The following NETO2 variants were observed in gnomAD, a reference collection of about 807,000 sequenced individuals.
NETO2 encodes neuropilin and tolloid like 2.
In NETO2, 28 loss-of-function variants were observed where a neutral mutation model predicts 62.5. The ratio of observed to expected loss-of-function variants is 0.45; its 90% CI spans 0.33 to 0.61. The LOEUF (loss-of-function observed/expected upper bound fraction) is 0.61, where lower values mean the gene tolerates loss of function less well. Ranked by LOEUF, NETO2 falls within the 20% of genes least tolerant of loss-of-function variation. NETO2 has a pLI of 0.02. For missense variants in NETO2, 548 were observed against 643.2 expected (o/e 0.85, Z 1.60); for synonymous variants, 214 against 219.1 (o/e 0.98, Z 0.21).
chr16:47,100,175 T>C lies in NETO2; in HGVS notation c.883+9308A>G, dbSNP rs368272831. On this transcript the variant is annotated intron_variant, in intron 7 of 8. Transcript: ENST00000562435. Reference sequence around the variant, plus strand: ...AGAAACTCACTCAAAACCACACAACTACATGGAAACTGAACAACCTGCTCC... The same window carrying C: ...AGAAACTCACTCAAAACCACACAACCACATGGAAACTGAACAACCTGCTCC... Among the ~76,000 whole-genome samples the C allele has an allele frequency of 9.9e-5, 15 of 152,236 alleles. No homozygotes were observed. The East Asian group carries it at 1.2e-3, about 12-fold the overall frequency.
chr16:47,118,103 T>TA (rs1963957901), intron 6 of NETO2, among the ~76,000 whole-genome samples: 1 of 152,192 alleles, frequency 6.6e-6, no homozygotes, highest in African/African-American at 2.4e-5. Context: ...TGGATCCTGT[T>TA]AAAAAATCCC....
chr16:47,129,506 T>G (rs1253234370), intron 2 of NETO2, 142 bp from the exon 3 acceptor site: 1 of 821,148 alleles, frequency 1.2e-6, no homozygotes, highest in African/African-American at 1.7e-5. Context: ...TTTAGCACAA[T>G]AAATTGAGTA....
intron 7 of NETO2, among the ~76,000 whole-genome samples, chr16:47,089,048 T>C (rs1019904676): frequency 3.7e-4 from 56 of 152,376 alleles, no homozygotes; most frequent in East Asian, 5.8e-4. Context: ...TAAAAATCTA[T>C]AGTCATTATG....
intron 7 of NETO2, 81 bp from the exon 8 acceptor site, chr16:47,086,420 A>T: frequency 1.1e-6 from 1 of 897,084 alleles, no homozygotes; most frequent in East Asian, 2.5e-5. Flanking sequence ...TGACTTTATA[A>T]GAGTACTTTC....
Position 47,122,655 on chromosome 16 carries a change from A to C in NETO2, c.654+2T>G. The stretch of plus-strand genomic sequence containing the variant: ...CTGAAGCGACTCAATACATAATAAT[A>C]CCTTAGCTTTTGGAGTGGCTTTAAT... On this transcript the variant is annotated splice_donor_variant, in intron 6 of 8. Transcript: ENST00000562435. LOFTEE classifies it high-confidence loss of function. 6.2e-7 allele frequency: 1 copy of C among 1,613,668 alleles called. No homozygotes were observed. The highest frequency in any genetic ancestry group is 8.5e-7 in the Non-Finnish European group (1 of 1,179,914).
At chr16:47,127,888 T>G (rs1964188740) in intron 4 of NETO2, among the ~76,000 whole-genome samples, 1 of 152,236 alleles carries the variant, frequency 6.6e-6, no homozygotes, top group Non-Finnish European at 1.5e-5. Flanking sequence ...CAGAGCAGTA[T>G]TCTTTCTATT....
chr16:47,112,418 G>A (rs1596724489), intron 6 of NETO2, among the ~76,000 whole-genome samples: 1 of 152,090 alleles, frequency 6.6e-6, no homozygotes, highest in African/African-American at 2.4e-5. Flanking sequence ...GAGTTCAGTC[G>A]CGTGATCGCG....
rs778780982 is a variant in NETO2, at chr16:47,109,688, A to G, written c.678T>C (p.Tyr226=). The G allele has an allele frequency of 6.2e-7, 1 of 1,612,578 alleles. No individual in the cohort carries two copies. ...KAKIYLRFLD[Y]QMEHSNECKR... ...TGCATTCATTTGAGTGCTCCATTTG[A>G]TAATCTAGGAACCTCAAATAAATCT... The change falls in exon 7 of 9, where the codon TAT becomes TAC. Residue 226 remains tyrosine, a synonymous_variant. Transcript: ENST00000562435.
chr16:47,086,984 A>G (rs1055347957), intron 7 of NETO2, among the ~76,000 whole-genome samples: 5 of 152,184 alleles, frequency 3.3e-5, no homozygotes, highest in Non-Finnish European at 4.4e-5. Flanking sequence ...GATACATACA[A>G]CATGGACAAA....
intron 6 of NETO2, among the ~76,000 whole-genome samples, chr16:47,114,085 C>A (rs940088076): frequency 6.6e-6 from 1 of 152,092 alleles, no homozygotes; most frequent in Non-Finnish European, 1.5e-5. Flanking sequence ...TTTCCCAGAG[C>A]GGCTCTATCA....
At chr16:47,138,443 TTCAAAATAAAAGTTTAAACAAC>T (rs1341391402) in intron 1 of NETO2, among the ~76,000 whole-genome samples, 2 of 152,092 alleles carry the variant, frequency 1.3e-5, no homozygotes, top group Non-Finnish European at 2.9e-5. Context: ...CTACAATGAT[TTCAAAATAAAAGTTTAAACAAC>T]AAAAACAACA....
At position 47,094,247 on chromosome 16, in the gene NETO2, C is replaced by T. The variant is rs9921861; in HGVS notation, c.884-7908G>A. 7.0e-3 allele frequency among the ~76,000 whole-genome samples: 998 copies of T among 142,320 alleles called. 10 individuals carry two copies. The highest frequency in any genetic ancestry group is 0.025 in the African/African-American group (948 of 38,476). The allele number at this position is 142,320 out of a possible 152,430, so 93.4% of individuals were successfully genotyped here. A position where few individuals can be genotyped will look rare whatever the true frequency, so the allele number is the denominator to read the frequency against. ...CAAAATAAAAAAAAATTAGGAAGTA[C>T]TGATATATCACTTGGATTTTTTTTT... On this transcript the variant is annotated intron_variant, in intron 7 of 8. Transcript: ENST00000562435.
intron 1 of NETO2, among the ~76,000 whole-genome samples, chr16:47,134,600 G>A (rs532236833): frequency 2.0e-5 from 3 of 152,044 alleles, no homozygotes; most frequent in African/African-American, 4.8e-5. Flanking sequence ...TCAATATTTC[G>A]TGCGCAGTAT....
intron 7 of NETO2, among the ~76,000 whole-genome samples, chr16:47,101,722 C>G (rs1963549771): frequency 6.6e-6 from 1 of 152,042 alleles, no homozygotes; most frequent in Non-Finnish European, 1.5e-5. Context: ...ATACTACTTA[C>G]AAGGGATGTG....
intron 7 of NETO2, among the ~76,000 whole-genome samples, chr16:47,096,561 C>G (rs1184271250): frequency 6.6e-6 from 1 of 152,052 alleles, no homozygotes; most frequent in African/African-American, 2.4e-5. Context: ...GGATGAATTC[C>G]TAGAAACACA....
At position 47,094,390 on chromosome 16, in the gene NETO2, A is replaced by G. The variant is rs563699069; in HGVS notation, c.884-8051T>C. On this transcript the variant is annotated intron_variant, in intron 7 of 8. Coordinates refer to ENST00000562435, the MANE Select transcript of NETO2 (RefSeq NM_018092.5). ...TATTCACTTGATTTTTCAGGAACCT[A>G]AAGGAAGGTTTGTTTTATTTATTTA... Among the ~76,000 whole-genome samples the G allele has an allele frequency of 7.3e-5, 11 of 151,406 alleles. No individual in the cohort carries two copies. In the South Asian group the frequency reaches 2.1e-3, roughly 29 times the overall value.
chr16:47,085,842 A>G (rs931574004), intron 8 of NETO2, among the ~76,000 whole-genome samples: 7 of 151,194 alleles, frequency 4.6e-5, no homozygotes, highest in African/African-American at 1.7e-4. Context: ...GCGGTGGCTC[A>G]TGCCTGTAAT....
At position 47,091,308 on chromosome 16, in the gene NETO2, C is replaced by T. The variant is rs773686631; in HGVS notation, c.884-4969G>A. Among the ~76,000 whole-genome samples the T allele has an allele frequency of 9.9e-5, 15 of 151,938 alleles. No individual in the cohort carries two copies. The South Asian group carries it at 2.1e-3, about 21-fold the overall frequency. Reference sequence around the variant, plus strand: ...GATTAGTTAATATAAAGATATCACTCGAGGGAGGCTTTTCACCTGTTTAAT... The same window carrying T: ...GATTAGTTAATATAAAGATATCACTTGAGGGAGGCTTTTCACCTGTTTAAT... On this transcript the variant is annotated intron_variant, in intron 7 of 8. Coordinates refer to ENST00000562435, the MANE Select transcript of NETO2 (RefSeq NM_018092.5).
At chr16:47,131,072 CAG>C (rs1159281718) in intron 2 of NETO2, among the ~76,000 whole-genome samples, 4 of 128,438 alleles carry the variant, frequency 3.1e-5, no homozygotes, top group South Asian at 5.0e-4. Flanking sequence ...AAAATTAAAA[CAG>C]AAAAAAAAAA....
Sources: allele counts gnomAD v4.1 joint callset (sites outside exome capture counted in the v4.1 genomes callset), GRCh38; gene constraint gnomAD v4.1.1; transcripts MANE v1.5; gene names NCBI Gene and HGNC (gene_info 2026-07-23, HGNC 2026-07-21).